The following ASTN2 variants were observed in gnomAD, a reference collection of about 807,000 sequenced individuals.
The protein encoded by ASTN2 is astrotactin 2, also known as astrotactin-2.
A neutral mutation model predicts 139.8 loss-of-function variants in ASTN2; 54 were observed. The ratio of observed to expected loss-of-function variants is 0.39; its 90% CI spans 0.31 to 0.48. The LOEUF is 0.48. ASTN2 is among the 20% of genes least tolerant of loss of function. The pLI is 0.95. For synonymous variants in ASTN2, 756 were observed against 719.5 expected (o/e 1.05, Z -0.81); for missense variants, 1,565 against 1,725.1 (o/e 0.91, Z 1.64).
chr9:116,527,553 C>G (rs559475499), intron 19 of ASTN2, among the ~76,000 whole-genome samples: 1 of 152,230 alleles, frequency 6.6e-6, no homozygotes, highest in East Asian at 1.9e-4. Context: ...AGAAAGAAAA[C>G]TTGTACACTA....
chr9:117,229,436 G>A (rs779445205), intron 2 of ASTN2, among the ~76,000 whole-genome samples: 18 of 152,134 alleles, frequency 1.2e-4, no homozygotes, highest in African/African-American at 4.3e-4. Flanking sequence ...CCCAAGACTG[G>A]GCAGTCTCCT....
At chr9:117,228,529 C>T (rs893243233) in intron 2 of ASTN2, among the ~76,000 whole-genome samples, 6 of 151,940 alleles carry the variant, frequency 3.9e-5, no homozygotes, top group Non-Finnish European at 4.4e-5. Context: ...TTACTAGGGG[C>T]AGAGAGTCAA....
chr9:116,448,120 G>A lies in ASTN2; in HGVS notation c.3498-5567C>T, dbSNP rs555747873. Among the ~76,000 whole-genome samples, 17 of 152,278 alleles carry A rather than the reference G, an allele frequency of 1.1e-4. No homozygotes were observed. The East Asian group carries it at 2.9e-3, about 26-fold the overall frequency. Reference sequence around the variant, plus strand: ...GGCCAACGCCTGCTCTTCCCCAGCCGCAACATGATTTAGGCATTCTGGGGA... The same window carrying A: ...GGCCAACGCCTGCTCTTCCCCAGCCACAACATGATTTAGGCATTCTGGGGA... On this transcript the variant is annotated intron_variant, in intron 20 of 22. Transcript: ENST00000313400.
chr9:116,439,715 C>T (rs1485830653), intron 22 of ASTN2, among the ~76,000 whole-genome samples: 1 of 152,170 alleles, frequency 6.6e-6, no homozygotes, highest in Non-Finnish European at 1.5e-5. Flanking sequence ...CCCTCACTTA[C>T]CTTACCCCAA....
intron 2 of ASTN2, among the ~76,000 whole-genome samples, chr9:117,264,196 T>C (rs568928558): frequency 1.3e-5 from 2 of 152,280 alleles, no homozygotes; most frequent in East Asian, 3.9e-4. Flanking sequence ...TGATACTGAG[T>C]TATTTCTCTG....
At chr9:117,066,992 C>G (rs1587925595) in intron 5 of ASTN2, among the ~76,000 whole-genome samples, 1 of 103,844 alleles carries the variant, frequency 9.6e-6, no homozygotes, top group East Asian at 2.7e-4. Context: ...TTTTGCTGTG[C>G]AGAAGCTCTT....
At chr9:117,104,869 C>T (rs1021511147) in intron 4 of ASTN2, among the ~76,000 whole-genome samples, 3 of 152,086 alleles carry the variant, frequency 2.0e-5, no homozygotes, top group Non-Finnish European at 2.9e-5. Context: ...TGACCTTTAA[C>T]GTAATATGGC....
intron 4 of ASTN2, among the ~76,000 whole-genome samples, chr9:117,138,325 G>A (rs1191974693): frequency 6.6e-6 from 1 of 152,114 alleles, no homozygotes; most frequent in Non-Finnish European, 1.5e-5. Flanking sequence ...AGAAGGGGCT[G>A]GCTAGGAGAG....
intron 16 of ASTN2, among the ~76,000 whole-genome samples, chr9:116,717,406 C>T (rs1286759228): frequency 5.3e-5 from 8 of 152,128 alleles, no homozygotes; most frequent in Admixed American, 5.2e-4. Flanking sequence ...AGGAGAAATA[C>T]GTTGGCTCTG....
intron 7 of ASTN2, among the ~76,000 whole-genome samples, chr9:117,003,953 C>CGTGTGTGTGTGTGTGTGTGT (rs3038371): frequency 1.4e-5 from 2 of 146,286 alleles, no homozygotes; most frequent in Admixed American, 6.7e-5. Context: ...CGCGCGCGCG[C>CGTGTGTGTGTGTGTGTGTGT]GTGTGTGTGT....
chr9:116,756,028 G>A (rs535146162), intron 13 of ASTN2, among the ~76,000 whole-genome samples: 1 of 152,340 alleles, frequency 6.6e-6, no homozygotes, highest in East Asian at 1.9e-4. Context: ...GTGAATACAT[G>A]TGTGTTCTTT....
At chr9:116,896,712 G>A (rs1211808891) in intron 10 of ASTN2, among the ~76,000 whole-genome samples, 2 of 152,170 alleles carry the variant, frequency 1.3e-5, no homozygotes, top group Non-Finnish European at 2.9e-5. Context: ...TGGCAGAAGG[G>A]GAAGCAGGGA....
At chr9:117,310,985 A>G (rs916469617) in intron 1 of ASTN2, among the ~76,000 whole-genome samples, 4 of 152,118 alleles carry the variant, frequency 2.6e-5, no homozygotes, top group Non-Finnish European at 5.9e-5. Flanking sequence ...TGCCCACAGC[A>G]GTCCTTGATC....
chr9:116,607,700 C>T (rs936319502), intron 19 of ASTN2, among the ~76,000 whole-genome samples: 1 of 151,218 alleles, frequency 6.6e-6, no homozygotes, highest in African/African-American at 2.4e-5. Context: ...CACACACACA[C>T]ACACACACAC....
rs566285454 is a variant in ASTN2 at position 116,482,379 on chromosome 9, G to GA, written c.3497+4979dup. 7.9e-5 allele frequency among the ~76,000 whole-genome samples: 12 copies of GA among 152,214 alleles called. No homozygotes were observed. In the East Asian group the frequency reaches 2.3e-3, roughly 29 times the overall value. On this transcript the variant is annotated intron_variant, in intron 20 of 22. Transcript: ENST00000313400. Reference sequence around the variant, plus strand: ...ACTACCCTATCTCTAGGTTTATCATGAGAATTGAATGAGATAGTACACATA... The same window carrying GA: ...ACTACCCTATCTCTAGGTTTATCATGAAGAATTGAATGAGATAGTACACATA...
intron 3 of ASTN2, among the ~76,000 whole-genome samples, chr9:117,146,298 C>T (rs1406800268): frequency 1.3e-5 from 2 of 151,908 alleles, no homozygotes; most frequent in African/African-American, 2.4e-5. Flanking sequence ...CTGAGCATCG[C>T]GGCAGGCCCA....
intron 17 of ASTN2, among the ~76,000 whole-genome samples, chr9:116,638,493 C>A (rs1857177020): frequency 6.6e-6 from 1 of 151,508 alleles, no homozygotes; most frequent in African/African-American, 2.4e-5. Flanking sequence ...TAATAGATCA[C>A]CTTTGTCTAC....
chr9:117,245,907 C>T (rs1833366871), intron 2 of ASTN2, among the ~76,000 whole-genome samples: 2 of 152,130 alleles, frequency 1.3e-5, no homozygotes, highest in South Asian at 4.2e-4. Flanking sequence ...CTCTGGGCTA[C>T]ATAGAATCCT....
chr9:116,874,447 G>A (rs1392764878), intron 10 of ASTN2, among the ~76,000 whole-genome samples: 5 of 152,142 alleles, frequency 3.3e-5, no homozygotes, highest in African/African-American at 1.2e-4. Flanking sequence ...GGTGTTGAAG[G>A]AAGAGAAGAA....
Sources: gnomAD v4.1 joint callset for allele counts (sites outside exome capture counted in the v4.1 genomes callset) on GRCh38, gnomAD v4.1.1 for gene constraint, MANE v1.5 for transcripts, NCBI Gene and HGNC (gene_info 2026-07-23, HGNC 2026-07-21) for gene names.